The following B3GLCT variants were observed in gnomAD, a reference collection of about 807,000 sequenced individuals.
B3GLCT encodes beta-1,3-glucosyltransferase.
B3GLCT carries 65 observed loss-of-function variants against 63.4 expected under a neutral mutation model. The ratio of observed to expected loss-of-function variants is 1.03; its 90% CI spans 0.84 to 1.26. The LOEUF (loss-of-function observed/expected upper bound fraction) is 1.26. Among genes scored for constraint, B3GLCT ranks in the 50% most tolerant of loss-of-function variants. B3GLCT has a pLI of 0.00. For missense variants in B3GLCT, 577 were observed against 604.8 expected (o/e 0.95, Z 0.48); for synonymous variants, 233 against 219.2 (o/e 1.06, Z -0.55).
chr13:31,249,243 C>T lies in B3GLCT; in HGVS notation c.459+1277C>T, dbSNP rs1309762168. 2.6e-5 allele frequency among the ~76,000 whole-genome samples: 4 copies of T among 152,286 alleles called. No homozygotes were observed. In the East Asian group the frequency reaches 7.7e-4, roughly 29 times the overall value. ...AATAGAAACCACTGCTTTTGATGAT[C>T]TTTAAATGCTGGAAAGATCCACTAT... On this transcript the variant is annotated intron_variant, in intron 6 of 14. Transcript: ENST00000343307.
At chr13:31,225,711 G>T (rs1446603388) in intron 3 of B3GLCT, among the ~76,000 whole-genome samples, 1 of 152,080 alleles carries the variant, frequency 6.6e-6, no homozygotes, top group Non-Finnish European at 1.5e-5. Context: ...ATTTGATTCT[G>T]TCCCAAACTT....
At chr13:31,324,527 CTT>C (rs1270659668) in intron 14 of B3GLCT, among the ~76,000 whole-genome samples, 2 of 152,086 alleles carry the variant, frequency 1.3e-5, no homozygotes, top group African/African-American at 4.8e-5. Flanking sequence ...TGTTTAGTAT[CTT>C]TTAAGAACCA....
intron 7 of B3GLCT, among the ~76,000 whole-genome samples, chr13:31,262,518 A>T (rs1450055894): frequency 6.6e-6 from 1 of 152,190 alleles, no homozygotes; most frequent in Non-Finnish European, 1.5e-5. Flanking sequence ...GGTCTGCTTA[A>T]TTCTGTGCTC....
chr13:31,290,613 G>T (rs1251187419), intron 12 of B3GLCT, among the ~76,000 whole-genome samples: 1 of 151,830 alleles, frequency 6.6e-6, no homozygotes, highest in East Asian at 1.9e-4. Flanking sequence ...GTAATGACCA[G>T]TGATGAGCTT....
chr13:31,262,640 A>G (rs980135797), intron 7 of B3GLCT, among the ~76,000 whole-genome samples: 1 of 152,202 alleles, frequency 6.6e-6, no homozygotes, highest in South Asian at 2.1e-4. Flanking sequence ...CTCCCAGGAC[A>G]TTCATTTCCT....
At chr13:31,248,054 T>TA (rs1407762852) in intron 6 of B3GLCT, 88 bp downstream of exon 6, 1 of 741,370 alleles carries the variant, frequency 1.3e-6, no homozygotes, top group Admixed American at 2.3e-5. Flanking sequence ...TTGAATCTAA[T>TA]AAAAAACCAC....
intron 7 of B3GLCT, among the ~76,000 whole-genome samples, chr13:31,261,325 A>C (rs536785414): frequency 1.3e-5 from 2 of 152,360 alleles, no homozygotes; most frequent in South Asian, 4.1e-4. Context: ...TCCAAAGATA[A>C]CAAGTTGTGA....
rs183267295 is a variant in B3GLCT, at chr13:31,250,761, G to A, written c.459+2795G>A. 6.8e-4 allele frequency among the ~76,000 whole-genome samples: 104 copies of A among 152,342 alleles called. 2 individuals carry two copies. The highest frequency in any genetic ancestry group is 6.8e-3 in the Middle Eastern group (2 of 294). On this transcript the variant is annotated intron_variant, in intron 6 of 14. Coordinates refer to ENST00000343307, the MANE Select transcript of B3GLCT (RefSeq NM_194318.4). Reference sequence around the variant, plus strand: ...CACCTCCCTGGGACAGAGAACCTGGGGGAAGGGGCAGTTGTGGGCGCCACT... The same window carrying A: ...CACCTCCCTGGGACAGAGAACCTGGAGGAAGGGGCAGTTGTGGGCGCCACT...
chr13:31,250,919 G>A (rs1256024716), intron 6 of B3GLCT, among the ~76,000 whole-genome samples: 2 of 152,190 alleles, frequency 1.3e-5, no homozygotes, highest in African/African-American at 4.8e-5. Flanking sequence ...GCCTGACTGG[G>A]AGACACCTCC....
Position 31,200,026 on chromosome 13 carries a change from G to A in B3GLCT, c.-59G>A, listed in dbSNP as rs2137720702. 2 of 1,139,786 alleles carry A rather than the reference G, an allele frequency of 1.8e-6. No homozygotes were observed. Among genetic ancestry groups the A allele is most frequent in the Non-Finnish European group, 2.2e-6 (2 of 892,210 alleles). 70.6% of individuals were successfully genotyped at this position (1,139,786 alleles called of 1,614,324 possible). On this transcript the variant is annotated 5_prime_UTR_variant, in exon 1 of 15. Coordinates refer to ENST00000343307, the MANE Select transcript of B3GLCT (RefSeq NM_194318.4). The stretch of plus-strand genomic sequence containing the variant: ...GCGGCGGCGGCAGCGGCGCAGCTCC[G>A]CTCCCCGCGCGTCTCCCTTCCCCGC...
chr13:31,293,509 G>C (rs1873783217), intron 12 of B3GLCT, among the ~76,000 whole-genome samples: 1 of 152,102 alleles, frequency 6.6e-6, no homozygotes, highest in Non-Finnish European at 1.5e-5. Context: ...TATATATTTA[G>C]GATAGTTAGC....
At chr13:31,265,854 A>T (rs1872272294) in intron 7 of B3GLCT, among the ~76,000 whole-genome samples, 1 of 152,068 alleles carries the variant, frequency 6.6e-6, no homozygotes. Context: ...TGAAAAAGTT[A>T]GCTAGGAAGT....
At chr13:31,301,448 A>C (rs929679395) in intron 12 of B3GLCT, among the ~76,000 whole-genome samples, 2 of 152,236 alleles carry the variant, frequency 1.3e-5, no homozygotes, top group Admixed American at 1.3e-4. Flanking sequence ...TTTCCCAGTC[A>C]GATAAAATGT....
intron 12 of B3GLCT, among the ~76,000 whole-genome samples, chr13:31,313,993 G>C (rs1874860664): frequency 6.6e-6 from 1 of 152,226 alleles, no homozygotes; most frequent in Non-Finnish European, 1.5e-5. Context: ...TGACTTCAGA[G>C]AGTGGAAGCC....
intron 12 of B3GLCT, among the ~76,000 whole-genome samples, chr13:31,310,415 A>G (rs1874644522): frequency 6.6e-6 from 1 of 152,242 alleles, no homozygotes; most frequent in Non-Finnish European, 1.5e-5. Context: ...GAAAAGGGTT[A>G]TAACACTTTC....
chr13:31,215,251 T>C (rs2137746763), intron 2 of B3GLCT, 151 bp downstream of exon 2: 1 of 813,356 alleles, frequency 1.2e-6, no homozygotes, highest in Non-Finnish European at 2.0e-6. Flanking sequence ...GAATCCCTAA[T>C]GCAACCTATA....
intron 2 of B3GLCT, among the ~76,000 whole-genome samples, chr13:31,216,254 T>G (rs190273747): frequency 1.3e-5 from 2 of 152,352 alleles, no homozygotes; most frequent in East Asian, 3.9e-4. Flanking sequence ...TTATGATTAA[T>G]AAAGCATTTC....
intron 12 of B3GLCT, among the ~76,000 whole-genome samples, chr13:31,308,347 T>TAAAAAAAAAACAAAAAAAAAAAAAA (rs1874501160): frequency 4.2e-5 from 1 of 23,670 alleles, no homozygotes; most frequent in Non-Finnish European, 1.2e-4. Flanking sequence ...AAAAAAAAAT[T>TAAAAAAAAAACAAAAAAAAAAAAAA]AAAAAAAAAA....
chr13:31,207,320 C>T (rs1593243491), intron 1 of B3GLCT, among the ~76,000 whole-genome samples: 9 of 149,312 alleles, frequency 6.0e-5, no homozygotes, highest in Admixed American at 1.3e-4. Context: ...TTGCTGTGTT[C>T]CTCTTTGATG....
Sources: gnomAD v4.1 joint callset for allele counts (sites outside exome capture counted in the v4.1 genomes callset) on GRCh38, gnomAD v4.1.1 for gene constraint, MANE v1.5 for transcripts, NCBI Gene and HGNC (gene_info 2026-07-23, HGNC 2026-07-21) for gene names.